RABGAP1: variants seen among roughly 807,000 people sequenced by gnomAD.
The protein encoded by RABGAP1 is RAB GTPase activating protein 1.
Under a neutral mutation model 137.6 loss-of-function variants are expected in RABGAP1, and 23 were observed. The observed-to-expected ratio is 0.17, with a 90% CI of 0.12 to 0.24. RABGAP1 has a LOEUF of 0.24. RABGAP1 is among the 10% of genes least tolerant of loss of function. The pLI is 1.00. For synonymous variants in RABGAP1, 451 were observed against 450.7 expected, an observed-to-expected ratio of 1.00 and a Z score of -0.01; for missense variants, 906 against 1,275.8, an observed-to-expected ratio of 0.71 and a Z score of 4.42.
intron 19 of RABGAP1, chr9:123,089,508 T>C (rs181295782): frequency 8.2e-4 from 327 of 401,008 alleles, no homozygotes; most frequent in African/African-American, 6.0e-3. Flanking sequence ...GTCTGTAGGG[T>C]GTTCATTCTA....
Position 123,076,615 on chromosome 9 carries a change from T to A in RABGAP1, c.2296-19T>A. 6.3e-7 allele frequency: 1 copy of A among 1,583,734 alleles called. No homozygotes were observed. The highest frequency in any genetic ancestry group is 8.5e-7 in the Non-Finnish European group (1 of 1,169,940). On this transcript the variant is annotated intron_variant, in intron 18 of 25. Coordinates refer to ENST00000373647, the MANE Select transcript of RABGAP1 (RefSeq NM_012197.4). Reference sequence around the variant, plus strand: ...TATAGCAACACATTTTTTCTATATGTGTTTGTATTTTCTTCAAGACTTCGA... The same window carrying A: ...TATAGCAACACATTTTTTCTATATGAGTTTGTATTTTCTTCAAGACTTCGA...
intron 13 of RABGAP1, chr9:123,029,725 G>C (rs145590096): frequency 7.8e-4 from 501 of 644,120 alleles, no homozygotes; most frequent in African/African-American, 6.6e-3. Flanking sequence ...TCCAGTGTCT[G>C]TCTTCTTCTT....
Position 123,089,771 on chromosome 9 carries a change from A to C in RABGAP1, c.2438A>C (p.Lys813Thr). The change falls in exon 20 of 26, where the codon AAG (lysine) becomes ACG (threonine). Residue 813 changes from lysine (K) to threonine (T), a missense_variant. Coordinates refer to ENST00000373647, the MANE Select transcript of RABGAP1 (RefSeq NM_012197.4). ...LACNMKISQK[K>T]LKKYEKEYHT... ...TTTATCCTACAGATTAGTCAGAAGA[A>C]GTTGAAAAAATACGAGAAAGAATAT... 6.2e-7 allele frequency: 1 copy of C among 1,612,970 alleles called. No individual in the cohort carries two copies. The highest frequency in any genetic ancestry group is 8.5e-7 in the Non-Finnish European group (1 of 1,179,208).
At chr9:123,084,790 C>G (rs1241145202) in intron 19 of RABGAP1, among the ~76,000 whole-genome samples, 2 of 152,150 alleles carry the variant, frequency 1.3e-5, no homozygotes, top group African/African-American at 4.8e-5. Flanking sequence ...GTTTTTTGAT[C>G]TTCATAACAG....
In RABGAP1 at chr9:122,963,507, A is replaced by G. The variant is rs12685763; in HGVS notation, c.150+6298A>G. Among the ~76,000 whole-genome samples, 173 of 152,304 alleles carry G rather than the reference A, an allele frequency of 1.1e-3. 2 individuals carry two copies. The East Asian group carries it at 0.03, about 27-fold the overall frequency. ...AAAATTCACTACTACAGGGAAATTA[A>G]ACAACATACTCCTAAATAAAAAGTC... On this transcript the variant is annotated intron_variant, in intron 2 of 25. Transcript: ENST00000373647.
chr9:122,949,483 C>T (rs1268819458), intron 1 of RABGAP1, among the ~76,000 whole-genome samples: 1 of 151,606 alleles, frequency 6.6e-6, no homozygotes, highest in Non-Finnish European at 1.5e-5. Flanking sequence ...CATTGCACTC[C>T]AACCTGGGCA....
At chr9:123,088,877 C>T (rs969429844) in intron 19 of RABGAP1, among the ~76,000 whole-genome samples, 1 of 152,080 alleles carries the variant, frequency 6.6e-6, no homozygotes, top group Non-Finnish European at 1.5e-5. Context: ...GCATGAAAGT[C>T]AGGGAGTTTT....
At chr9:123,035,076 A>G in intron 13 of RABGAP1, 2 of 1,613,968 alleles carry the variant, frequency 1.2e-6, no homozygotes, top group Non-Finnish European at 1.7e-6. Context: ...ACTGGGGCAA[A>G]CCTGGATATC....
chr9:123,074,180 C>A, intron 16 of RABGAP1, 105 bp from the exon 17 acceptor site: 1 of 1,363,666 alleles, frequency 7.3e-7, no homozygotes, highest in East Asian at 2.3e-5. Flanking sequence ...TAGAAAAACA[C>A]AAGTATTTTA....
At chr9:123,065,192 G>A (rs2034128762) in intron 13 of RABGAP1, among the ~76,000 whole-genome samples, 156 bp from the exon 14 acceptor site, 1 of 152,024 alleles carries the variant, frequency 6.6e-6, no homozygotes, top group African/African-American at 2.4e-5. Flanking sequence ...TGCTTGAGTG[G>A]TTGGTCCCTG....
intron 2 of RABGAP1, among the ~76,000 whole-genome samples, chr9:122,973,323 C>T (rs1835572289): frequency 6.6e-6 from 1 of 152,124 alleles, no homozygotes; most frequent in South Asian, 2.1e-4. Context: ...CTGCAAGCTC[C>T]ACCTCTCGGG....
intron 13 of RABGAP1, among the ~76,000 whole-genome samples, chr9:123,064,370 T>C (rs1474892794): frequency 1.3e-5 from 2 of 152,220 alleles, no homozygotes; most frequent in Non-Finnish European, 2.9e-5. Context: ...AGAAGGAGCA[T>C]AGGCTTTAAA....
chr9:123,066,557 A>G (rs1190565401), intron 14 of RABGAP1, among the ~76,000 whole-genome samples: 1 of 152,072 alleles, frequency 6.6e-6, no homozygotes, highest in South Asian at 2.1e-4. Context: ...GCTCCCTCTC[A>G]TGCCTTCACT....
chr9:122,931,851 G>T, the RABGAP1 span, among the ~76,000 whole-genome samples: 2 of 152,238 alleles, frequency 1.3e-5, no homozygotes, highest in Non-Finnish European at 2.9e-5. Flanking sequence ...CCTTGGGCCT[G>T]AAGGGCTCCT....
intron 19 of RABGAP1, among the ~76,000 whole-genome samples, chr9:123,086,631 C>G (rs191786277): frequency 1.4e-5 from 2 of 142,418 alleles, no homozygotes; most frequent in East Asian, 4.4e-4. Flanking sequence ...CAGCATCAGC[C>G]GTGAACCCAT....
chr9:123,097,986 G>A (rs1255853289), intron 22 of RABGAP1, 141 bp downstream of exon 22: 1 of 654,568 alleles, frequency 1.5e-6, no homozygotes, highest in Non-Finnish European at 2.6e-6. Flanking sequence ...TCCCCCTACT[G>A]TGTAAAGTCC....
chr9:123,047,311 G>A (rs1236340050), intron 13 of RABGAP1, among the ~76,000 whole-genome samples: 1 of 152,112 alleles, frequency 6.6e-6, no homozygotes, highest in Non-Finnish European at 1.5e-5. Flanking sequence ...ATTTATAATT[G>A]TACTGCTAGT....
At chr9:123,057,684 TG>T (rs1227112224) in intron 13 of RABGAP1, among the ~76,000 whole-genome samples, 2 of 152,060 alleles carry the variant, frequency 1.3e-5, no homozygotes, top group African/African-American at 2.4e-5. Context: ...CTCGGCACTT[TG>T]GGGGGCCAAG....
At chr9:122,950,891 C>G (rs1464478794) in intron 1 of RABGAP1, among the ~76,000 whole-genome samples, 1 of 152,104 alleles carries the variant, frequency 6.6e-6, no homozygotes. Flanking sequence ...GAACCTAAAT[C>G]AGAACTAAGA....
Sources: gnomAD v4.1 joint callset for allele counts (sites outside exome capture counted in the v4.1 genomes callset) on GRCh38, gnomAD v4.1.1 for gene constraint, MANE v1.5 for transcripts, NCBI Gene and HGNC (gene_info 2026-07-23, HGNC 2026-07-21) for gene names.